GPBP1: variants seen among roughly 807,000 people sequenced by gnomAD.
GPBP1 encodes the protein vasculin.
GPBP1 carries 13 observed loss-of-function variants against 56.5 expected under a neutral mutation model. That is an observed-to-expected ratio of 0.23 (90% confidence interval 0.15 to 0.37). The LOEUF is 0.37. Ranked by LOEUF, GPBP1 falls within the 10% of genes least tolerant of loss-of-function variation. The pLI, the probability that GPBP1 is intolerant of heterozygous loss-of-function variation, is 1.00. For synonymous variants in GPBP1, 204 were observed against 188.9 expected (o/e 1.08, Z -0.66); for missense variants, 477 against 572.3 (o/e 0.83, Z 1.70).
intron 6 of GPBP1, among the ~76,000 whole-genome samples, chr5:57,243,123 G>A (rs781536664): frequency 2.7e-5 from 4 of 150,388 alleles, no homozygotes; most frequent in African/African-American, 4.9e-5. Flanking sequence ...GCTGGAGTGC[G>A]GTGGTGTGAT....
chr5:57,182,688 A>T (rs1403586261), intron 2 of GPBP1, among the ~76,000 whole-genome samples: 2 of 146,996 alleles, frequency 1.4e-5, no homozygotes, highest in African/African-American at 2.5e-5. Flanking sequence ...TTTAATTCTT[A>T]TTTATTTATT....
intron 2 of GPBP1, among the ~76,000 whole-genome samples, chr5:57,193,371 T>C (rs1754610804): frequency 6.6e-6 from 1 of 151,940 alleles, no homozygotes; most frequent in African/African-American, 2.4e-5. Flanking sequence ...TCCAGCACTT[T>C]GGGAAGTCGA....
chr5:57,220,693 C>G (rs928012162), intron 3 of GPBP1, among the ~76,000 whole-genome samples: 1 of 152,078 alleles, frequency 6.6e-6, no homozygotes, highest in Admixed American at 6.6e-5. Context: ...CTCCTGACCT[C>G]AGGTGATCAA....
intron 2 of GPBP1, among the ~76,000 whole-genome samples, chr5:57,187,886 GAT>G (rs35653365): frequency 0.39 from 57,322 of 148,856 alleles, 11,235 homozygotes; most frequent in South Asian, 0.45. Flanking sequence ...GCAGAAACCA[GAT>G]ATATATATAT....
rs1392584060 is a variant in GPBP1, at chr5:57,214,117, G to C, written c.-14G>C. On this transcript the variant is annotated 5_prime_UTR_variant, in exon 3 of 12. Transcript: ENST00000506184. ...TGAAGCCTTGTTTCACTGAGTTGGA[G>C]AGACTGGACCTAAATGGCGCAGCAT... is the stretch of plus-strand genomic sequence containing the variant. The C allele has an allele frequency of 6.2e-7, 1 of 1,612,288 alleles. No individual in the cohort carries two copies. The highest frequency in any genetic ancestry group is 2.2e-5 in the East Asian group (1 of 44,872).
At chr5:57,204,388 A>C (rs1424597828) in intron 2 of GPBP1, among the ~76,000 whole-genome samples, 1 of 152,006 alleles carries the variant, frequency 6.6e-6, no homozygotes, top group East Asian at 1.9e-4. Context: ...TAGCTGGGAC[A>C]ACAGGCCTGC....
intron 5 of GPBP1, among the ~76,000 whole-genome samples, chr5:57,231,869 G>T (rs547906787): frequency 8.5e-5 from 13 of 152,286 alleles, no homozygotes; most frequent in Admixed American, 7.9e-4. Flanking sequence ...ATTTTGTAGT[G>T]AATTTAGACA....
chr5:57,261,123 G>GAT, intron 10 of GPBP1, 57 bp from the exon 11 acceptor site: 2 of 1,041,628 alleles, frequency 1.9e-6, no homozygotes, highest in Non-Finnish European at 3.0e-6. Context: ...TAATGTAAAT[G>GAT]ATACTGTCCT....
chr5:57,199,520 A>G (rs1421534279), intron 2 of GPBP1, among the ~76,000 whole-genome samples: 1 of 151,744 alleles, frequency 6.6e-6, no homozygotes, highest in African/African-American at 2.4e-5. Flanking sequence ...TTGCTACCAG[A>G]TTTCTTTTCT....
At chr5:57,229,955 C>T (rs1271369171) in intron 3 of GPBP1, among the ~76,000 whole-genome samples, 1 of 149,980 alleles carries the variant, frequency 6.7e-6, no homozygotes, top group Non-Finnish European at 1.5e-5. Context: ...CCCGTCCCGT[C>T]CCGTCCCGTC....
chr5:57,199,339 A>G (rs1754898697), intron 2 of GPBP1, among the ~76,000 whole-genome samples: 1 of 152,148 alleles, frequency 6.6e-6, no homozygotes, highest in Non-Finnish European at 1.5e-5. Flanking sequence ...CTGGGACTAG[A>G]CATTGGGATA....
At chr5:57,226,729 C>CTTTTTTT (rs70999067) in intron 3 of GPBP1, among the ~76,000 whole-genome samples, 6 of 77,096 alleles carry the variant, frequency 7.8e-5, no homozygotes, top group Admixed American at 1.3e-4. Context: ...TTTTTGTATT[C>CTTTTTTT]TTTTTTTTTT....
chr5:57,208,778 T>G (rs1755351573), intron 2 of GPBP1, among the ~76,000 whole-genome samples: 1 of 151,164 alleles, frequency 6.6e-6, no homozygotes, highest in South Asian at 2.1e-4. Context: ...TACCTCAGCC[T>G]TCCAAGTAGC....
At chr5:57,205,539 A>G (rs1484242158) in intron 2 of GPBP1, among the ~76,000 whole-genome samples, 2 of 150,742 alleles carry the variant, frequency 1.3e-5, no homozygotes, top group African/African-American at 2.4e-5. Flanking sequence ...AGCAATATAT[A>G]AGGGTTCTGG....
chr5:57,212,672 CTTTTTTTTT>C (rs550327781), intron 2 of GPBP1, among the ~76,000 whole-genome samples: 1 of 139,746 alleles, frequency 7.2e-6, no homozygotes, highest in African/African-American at 2.6e-5. Context: ...TTCTTTTTTT[CTTTTTTTTT>C]TTTTTGAGAC....
intron 6 of GPBP1, among the ~76,000 whole-genome samples, chr5:57,243,700 T>C (rs1393876048): frequency 6.6e-6 from 1 of 151,044 alleles, no homozygotes; most frequent in East Asian, 1.9e-4. Flanking sequence ...TCCTTGTTTT[T>C]GTTTTGAGAC....
intron 11 of GPBP1, among the ~76,000 whole-genome samples, chr5:57,261,500 G>C (rs767603030): frequency 1.3e-5 from 2 of 152,062 alleles, no homozygotes; most frequent in Non-Finnish European, 2.9e-5. Context: ...TTAGCCTCTG[G>C]AGTAACTGGG....
intron 10 of GPBP1, among the ~76,000 whole-genome samples, chr5:57,251,940 A>G (rs935128971): frequency 2.0e-5 from 3 of 152,110 alleles, no homozygotes; most frequent in Non-Finnish European, 2.9e-5. Flanking sequence ...TTATGTGCTT[A>G]TTGGCCATTT....
In GPBP1 at chr5:57,244,183, C is replaced by A. The variant is rs115021056; in HGVS notation, c.479-2117C>A. Among the ~76,000 whole-genome samples the A allele has an allele frequency of 4.7e-3, 713 of 152,302 alleles. 8 individuals carry two copies. The highest frequency in any genetic ancestry group is 0.016 in the African/African-American group (661 of 41,546). On this transcript the variant is annotated intron_variant, in intron 6 of 11. Transcript: ENST00000506184. Reference sequence around the variant, plus strand: ...ATATCTGGCATTTTCAAGTCCTGATCCCTTTGAGGCTCTATGTGGTAGATT... The same window carrying A: ...ATATCTGGCATTTTCAAGTCCTGATACCTTTGAGGCTCTATGTGGTAGATT...
Sources: allele counts gnomAD v4.1 joint callset (sites outside exome capture counted in the v4.1 genomes callset), GRCh38; gene constraint gnomAD v4.1.1; transcripts MANE v1.5; gene names NCBI Gene and HGNC (gene_info 2026-07-23, HGNC 2026-07-21).